Variants in SAMD4A observed in about 807,000 individuals in gnomAD.
SAMD4A encodes sterile alpha motif domain containing 4A, also known as protein Smaug homolog 1.
SAMD4A carries 33 observed loss-of-function variants against 81.3 expected under a neutral mutation model. The ratio of observed to expected loss-of-function variants is 0.41; its 90% CI spans 0.31 to 0.54. The LOEUF (loss-of-function observed/expected upper bound fraction) is 0.54, where lower values mean the gene tolerates loss of function less well. SAMD4A is among the 20% of genes least tolerant of loss of function. SAMD4A has a pLI of 0.37. For missense variants in SAMD4A, 854 were observed against 951.1 expected, an observed-to-expected ratio of 0.90 and a Z score of 1.34; for synonymous variants, 389 against 382.1, an observed-to-expected ratio of 1.02 and a Z score of -0.21.
intron 2 of SAMD4A, among the ~76,000 whole-genome samples, chr14:54,639,103 T>C (rs10129926): frequency 0.021 from 3,140 of 152,294 alleles, 108 homozygotes; most frequent in African/African-American, 0.072. Context: ...TTGGTACTTA[T>C]TGACCCCAGC....
At chr14:54,634,679 T>C (rs1479385351) in intron 2 of SAMD4A, among the ~76,000 whole-genome samples, 1 of 152,126 alleles carries the variant, frequency 6.6e-6, no homozygotes, top group African/African-American at 2.4e-5. Flanking sequence ...CCAGTACCGG[T>C]CTGTGTCCCA....
intron 3 of SAMD4A, among the ~76,000 whole-genome samples, chr14:54,732,918 A>G (rs1166312179): frequency 6.6e-6 from 1 of 152,244 alleles, no homozygotes; most frequent in African/African-American, 2.4e-5. Context: ...ATTTCAATAA[A>G]TAAAATCGAG....
intron 2 of SAMD4A, among the ~76,000 whole-genome samples, chr14:54,649,937 T>C (rs1487951361): frequency 6.6e-6 from 1 of 152,238 alleles, no homozygotes; most frequent in Non-Finnish European, 1.5e-5. Flanking sequence ...GTTCTTAGTC[T>C]ACTTAGACTT....
intron 2 of SAMD4A, among the ~76,000 whole-genome samples, chr14:54,629,321 T>G (rs1244029220): frequency 1.3e-5 from 2 of 152,192 alleles, no homozygotes; most frequent in Non-Finnish European, 2.9e-5. Context: ...GACAACCTGA[T>G]TTGTTTTCAG....
chr14:54,622,944 A>C (rs1258366577), intron 2 of SAMD4A, among the ~76,000 whole-genome samples: 1 of 152,196 alleles, frequency 6.6e-6, no homozygotes, highest in African/African-American at 2.4e-5. Context: ...CAGCCATCTT[A>C]GGCCGATCGG....
intron 2 of SAMD4A, among the ~76,000 whole-genome samples, chr14:54,615,023 A>T (rs905249526): frequency 2.6e-5 from 4 of 152,198 alleles, no homozygotes; most frequent in Non-Finnish European, 4.4e-5. Context: ...GGGTGGTCAG[A>T]TGCCATGTAT....
At chr14:54,745,408 C>G (rs2037942985) in intron 4 of SAMD4A, among the ~76,000 whole-genome samples, 1 of 152,206 alleles carries the variant, frequency 6.6e-6, no homozygotes, top group African/African-American at 2.4e-5. Context: ...GGCTTCCTCA[C>G]TGTGGCCATC....
At chr14:54,675,367 C>CAAAAAAAAAAA (rs59110762) in intron 2 of SAMD4A, among the ~76,000 whole-genome samples, 1,363 of 75,178 alleles carry the variant, frequency 0.018, 109 homozygotes, top group Admixed American at 0.024. Flanking sequence ...ACTCCGTCTC[C>CAAAAAAAAAAA]AAAAAAAAAA....
At position 54,790,871 on chromosome 14, in the gene SAMD4A, C is replaced by G. The variant is rs889970339; in HGVS notation, c.*1927C>G. On this transcript the variant is annotated 3_prime_UTR_variant, in exon 13 of 13. Coordinates refer to ENST00000554335, the MANE Select transcript of SAMD4A (RefSeq NM_015589.6). ...ATGCACCCAACCCAGCCTTGGATGC[C>G]ACCACCAGGTTTTTGAAGCCCTTTT... is the stretch of plus-strand genomic sequence containing the variant. The G allele has an allele frequency of 1.3e-5, 2 of 151,924 alleles. No individual in the cohort carries two copies. The highest frequency in any genetic ancestry group is 2.4e-5 in the African/African-American group (1 of 41,316). The allele number at this position is 151,924 out of a possible 1,614,324, so 9.4% of individuals were successfully genotyped here.
chr14:54,784,473 T>C, intron 11 of SAMD4A, 64 bp from the exon 12 acceptor site: 1 of 1,612,600 alleles, frequency 6.2e-7, no homozygotes, highest in Non-Finnish European at 8.5e-7. Context: ...CTCCTGAAGG[T>C]GGAACCAGGT....
At chr14:54,694,498 G>C in intron 2 of SAMD4A, 1 of 349,310 alleles carries the variant, frequency 2.9e-6, no homozygotes, top group Non-Finnish European at 4.0e-6. Flanking sequence ...CAAGAGTTGG[G>C]TTGTGGACAT....
intron 6 of SAMD4A, chr14:54,754,829 G>A (rs2139834942): frequency 1.0e-6 from 1 of 988,026 alleles, no homozygotes; most frequent in Non-Finnish European, 1.2e-6. Flanking sequence ...GAGCTCTTTT[G>A]TTCAGTTACT....
intron 2 of SAMD4A, among the ~76,000 whole-genome samples, chr14:54,608,850 G>A (rs1275346247): frequency 6.6e-6 from 1 of 152,198 alleles, no homozygotes; most frequent in Non-Finnish European, 1.5e-5. Flanking sequence ...CACTTTAAAG[G>A]TGAGGGCGTG....
rs535241794 is a variant in SAMD4A, at chr14:54,687,882, G to A, written c.197-14180G>A. ...TCACAGGAGCTCAAATCAGGGCCAC[G>A]TGTCCCTGAATGGGGCTGGGCTGCT... On this transcript the variant is annotated intron_variant, in intron 2 of 12. Transcript: ENST00000554335. 4.2e-4 allele frequency: 368 copies of A among 868,796 alleles called. 2 individuals carry two copies. The highest frequency in any genetic ancestry group is 8.2e-4 in the Admixed American group (14 of 17,158). The allele number at this position is 868,796 out of a possible 1,614,324, so 53.8% of individuals were successfully genotyped here.
chr14:54,774,970 T>C lies in SAMD4A; in HGVS notation c.1752T>C (p.Ala584=). The change falls in exon 10 of 13, where the codon GCT becomes GCC. Residue 584 remains alanine, a synonymous_variant. Transcript: ENST00000554335. The part of the protein sequence containing the change: ...GFGQSNSLPT[A]GSVGGGMGRR... ...GGCAATCCAACTCCCTCCCGACGGC[T>C]GGCTCTGTGGGCGGTGGCATGGGCA... 1 of 1,614,250 alleles carries C rather than the reference T, an allele frequency of 6.2e-7. No individual in the cohort carries two copies. Among genetic ancestry groups the C allele is most frequent in the Non-Finnish European group, 8.5e-7 (1 of 1,180,044 alleles).
intron 4 of SAMD4A, among the ~76,000 whole-genome samples, chr14:54,740,207 G>A (rs1037143681): frequency 1.3e-5 from 2 of 152,106 alleles, no homozygotes; most frequent in Non-Finnish European, 2.9e-5. Flanking sequence ...ATAAATAAAT[G>A]AGATATAAAA....
In SAMD4A at chr14:54,634,719, A is replaced by ATCTG. The variant is rs3049869; in HGVS notation, c.196+66647_196+66650dup. Reference sequence around the variant, plus strand: ...TTGGGGACCCTCTATCTATCTATCTATCTGTCTGTCTGTCTGTCTGTCTGT... The same window carrying ATCTG: ...TTGGGGACCCTCTATCTATCTATCTATCTGTCTGTCTGTCTGTCTGTCTGTCTGT... On this transcript the variant is annotated intron_variant, in intron 2 of 12. Coordinates refer to ENST00000554335, the MANE Select transcript of SAMD4A (RefSeq NM_015589.6). Among the ~76,000 whole-genome samples the ATCTG allele has an allele frequency of 6.1e-3, 873 of 142,502 alleles. 6 individuals carry two copies. The highest frequency in any genetic ancestry group is 0.024 in the Middle Eastern group (7 of 286). 93.5% of individuals were successfully genotyped at this position (142,502 alleles called of 152,430 possible). A position where few individuals can be genotyped will look rare whatever the true frequency, so the allele number is the denominator to read the frequency against.
intron 2 of SAMD4A, among the ~76,000 whole-genome samples, chr14:54,645,010 G>A (rs946901561): frequency 2.0e-5 from 3 of 152,194 alleles, no homozygotes; most frequent in African/African-American, 7.2e-5. Flanking sequence ...GCGACCTGAA[G>A]TTCTTAAGTG....
At chr14:54,681,063 T>C (rs929490380) in intron 2 of SAMD4A, among the ~76,000 whole-genome samples, 26 of 152,222 alleles carry the variant, frequency 1.7e-4, no homozygotes, top group East Asian at 9.6e-4. Context: ...CTGTAAGGCT[T>C]CGCTGTGCAG....
Sources: allele counts gnomAD v4.1 joint callset (sites outside exome capture counted in the v4.1 genomes callset), GRCh38; gene constraint gnomAD v4.1.1; transcripts MANE v1.5; gene names NCBI Gene and HGNC (gene_info 2026-07-23, HGNC 2026-07-21).